IMPG1: variants seen among roughly 807,000 people sequenced by gnomAD.
IMPG1 encodes interphotoreceptor matrix proteoglycan of 150 kDa.
In IMPG1, 85 loss-of-function variants were observed where a neutral mutation model predicts 92.0. The ratio of observed to expected loss-of-function variants is 0.92; its 90% CI spans 0.78 to 1.11. The LOEUF (loss-of-function observed/expected upper bound fraction) is 1.11, where lower values mean the gene tolerates loss of function less well. IMPG1 is among the 50% of genes least tolerant of loss of function. The probability of loss-of-function intolerance (pLI) is 0.00; values close to 1 mark genes in which losing one functional copy is unlikely to be tolerated. For missense variants in IMPG1, 1,022 were observed against 956.0 expected (o/e 1.07, Z -0.91); for synonymous variants, 367 against 334.1 (o/e 1.10, Z -1.08).
At chr6:75,943,319 G>A (rs1461991876) in intron 14 of IMPG1, among the ~76,000 whole-genome samples, 1 of 152,102 alleles carries the variant, frequency 6.6e-6, no homozygotes, top group East Asian at 1.9e-4. Context: ...AGGTGTTTGT[G>A]TCGTAGGGGC....
chr6:75,947,546 A>G lies in IMPG1; in HGVS notation c.1825-13T>C. 6.3e-7 allele frequency: 1 copy of G among 1,598,164 alleles called. No homozygotes were observed. Among genetic ancestry groups the G allele is most frequent in the East Asian group, 2.2e-5 (1 of 44,696 alleles). On this transcript the variant is annotated splice_polypyrimidine_tract_variant and intron_variant, in intron 13 of 16. Coordinates refer to ENST00000369950, the MANE Select transcript of IMPG1 (RefSeq NM_001563.4). Reference sequence around the variant, plus strand: ...GATATGGAACCAGCTGCAAAATAAAAGATGGTTTCCTCTTAACTGTGTTCT... The same window carrying G: ...GATATGGAACCAGCTGCAAAATAAAGGATGGTTTCCTCTTAACTGTGTTCT...
chr6:75,961,793 C>T (rs1782215717), intron 12 of IMPG1, among the ~76,000 whole-genome samples: 1 of 152,172 alleles, frequency 6.6e-6, no homozygotes, highest in African/African-American at 2.4e-5. Flanking sequence ...AGCATGGCCA[C>T]AGTGGAATTC....
intron 5 of IMPG1, 35 bp downstream of exon 5, chr6:76,025,159 A>C (rs1409513159): frequency 1.6e-6 from 2 of 1,272,352 alleles, no homozygotes; most frequent in African/African-American, 3.0e-5. Flanking sequence ...ATTTGAATGA[A>C]AGTTGAGAAG....
At chr6:76,002,441 A>C (rs1783009564) in intron 12 of IMPG1, among the ~76,000 whole-genome samples, 1 of 152,258 alleles carries the variant, frequency 6.6e-6, no homozygotes, top group African/African-American at 2.4e-5. Flanking sequence ...ACACTAAAGA[A>C]ACACATGTAG....
intron 14 of IMPG1, chr6:75,935,131 T>C: frequency 2.3e-6 from 1 of 427,880 alleles, no homozygotes; most frequent in Non-Finnish European, 4.9e-6. Context: ...AGAGTAGACT[T>C]CGGGAATGAC....
At chr6:76,052,653 G>T (rs1426956246) in intron 1 of IMPG1, among the ~76,000 whole-genome samples, 2 of 152,076 alleles carry the variant, frequency 1.3e-5, no homozygotes, top group Non-Finnish European at 2.9e-5. Context: ...ATTTACTTTG[G>T]CAATTTTAGC....
At chr6:76,034,260 A>G (rs1783697248) in intron 4 of IMPG1, 55 bp downstream of exon 4, 3 of 1,533,240 alleles carry the variant, frequency 2.0e-6, no homozygotes, top group South Asian at 2.3e-5. Context: ...ACTCCATTAT[A>G]TGATCTTTTT....
chr6:75,969,242 A>G lies in IMPG1; in HGVS notation c.1292-18148T>C, dbSNP rs911473333. 1.1e-4 allele frequency among the ~76,000 whole-genome samples: 16 copies of G among 152,154 alleles called. No individual in the cohort carries two copies. In the East Asian group the frequency reaches 2.7e-3, roughly 26 times the overall value. ...AAGTTCAAGAGATCACGTGTATAAC[A>G]TGATGACTATAGTTAATAGCAACGT... On this transcript the variant is annotated intron_variant, in intron 12 of 16. Transcript: ENST00000369950.
Position 76,072,373 on chromosome 6 carries a change from G to T in IMPG1, c.67+49C>A, listed in dbSNP as rs370152489. On this transcript the variant is annotated intron_variant, in intron 1 of 16. Coordinates refer to ENST00000369950, the MANE Select transcript of IMPG1 (RefSeq NM_001563.4). ...TGGTTCTAAATATTCACTTCTATCG[G>T]TAGATTTTATAGATAAGCAATTTAA... 3.7e-5 allele frequency: 38 copies of T among 1,017,526 alleles called. No homozygotes were observed. The South Asian group carries it at 4.9e-4, about 13-fold the overall frequency. The allele number at this position is 1,017,526 out of a possible 1,614,324, so 63.0% of individuals were successfully genotyped here.
intron 12 of IMPG1, among the ~76,000 whole-genome samples, chr6:75,996,235 T>G (rs1028771876): frequency 1.3e-5 from 2 of 152,138 alleles, no homozygotes; most frequent in African/African-American, 2.4e-5. Flanking sequence ...AGAATGGACT[T>G]ACATGATATA....
chr6:75,997,895 T>G (rs1424154370), intron 12 of IMPG1, among the ~76,000 whole-genome samples: 2 of 152,204 alleles, frequency 1.3e-5, no homozygotes, highest in African/African-American at 4.8e-5. Flanking sequence ...TAGATGACTT[T>G]TTGCTGTGGA....
intron 13 of IMPG1, among the ~76,000 whole-genome samples, chr6:75,950,306 A>G (rs1480114965): frequency 6.6e-6 from 1 of 152,198 alleles, no homozygotes; most frequent in Non-Finnish European, 1.5e-5. Flanking sequence ...GAGAATTATA[A>G]TGAAAAGAGT....
chr6:76,072,437 C>A lies in IMPG1; in HGVS notation c.52G>T (p.Val18Phe), dbSNP rs376105349. Residue 18 changes from valine to phenylalanine, a missense_variant, in exon 1 of 17, where the codon GTT becomes TTT. Val to Phe is a conservative substitution (Grantham distance 50, BLOSUM62 -1). Coordinates refer to ENST00000369950, the MANE Select transcript of IMPG1 (RefSeq NM_001563.4). Reference protein sequence around the residue: ...AIFVFWIFLQVQGTKDISINI... With the variant: ...AIFVFWIFLQFQGTKDISINI... ...AGTAACTTACCTTTGGTTCCTTGAA[C>A]TTGGAGAAAAATCCAAAAAACAAAA... is the stretch of plus-strand genomic sequence containing the variant. The A allele has an allele frequency of 6.3e-7, 1 of 1,585,404 alleles. No homozygotes were observed. The highest frequency in any genetic ancestry group is 1.1e-5 in the South Asian group (1 of 89,060).
intron 9 of IMPG1, 41 bp from the exon 10 acceptor site, chr6:76,005,575 G>A (rs950677604): frequency 6.3e-7 from 1 of 1,596,740 alleles, no homozygotes; most frequent in Non-Finnish European, 8.5e-7. Flanking sequence ...CAAAGCCATT[G>A]TTACATGCCT....
intron 12 of IMPG1, among the ~76,000 whole-genome samples, chr6:75,969,781 G>A (rs1335798168): frequency 6.6e-6 from 1 of 151,956 alleles, no homozygotes; most frequent in African/African-American, 2.4e-5. Flanking sequence ...AAGCTTCTTG[G>A]TTACTTGGAA....
chr6:76,007,336 A>G lies in IMPG1; in HGVS notation c.887+144T>C, dbSNP rs530345701. 2.0e-5 allele frequency: 12 copies of G among 601,036 alleles called. No homozygotes were observed. The South Asian group carries it at 3.0e-4, about 15-fold the overall frequency. 37.2% of individuals were successfully genotyped at this position (601,036 alleles called of 1,614,324 possible). The stretch of plus-strand genomic sequence containing the variant: ...TTTTTAACTACTGGACAATTGTTCA[A>G]TTACTTCCATTTAAATAAGAAACCA... On this transcript the variant is annotated intron_variant, in intron 9 of 16. Transcript: ENST00000369950.
chr6:75,964,673 C>T lies in IMPG1; in HGVS notation c.1292-13579G>A, dbSNP rs986488862. Among the ~76,000 whole-genome samples, 5 of 68,456 alleles carry T rather than the reference C, an allele frequency of 7.3e-5. No homozygotes were observed. The Admixed American group carries it at 1.1e-3, about 15-fold the overall frequency. 44.9% of individuals were successfully genotyped at this position (68,456 alleles called of 152,430 possible). A position where few individuals can be genotyped will look rare whatever the true frequency, so the allele number is the denominator to read the frequency against. ...GTCTGGGTGACAGAGTGAGACTAGT[C>T]TCAAAAAAAAAAAAAAAAAAAGAGA... On this transcript the variant is annotated intron_variant, in intron 12 of 16. Transcript: ENST00000369950.
At chr6:76,072,089 C>T (rs749852972) in intron 1 of IMPG1, among the ~76,000 whole-genome samples, 6 of 151,906 alleles carry the variant, frequency 3.9e-5, no homozygotes, top group East Asian at 3.9e-4. Context: ...TGTTGAATTT[C>T]GGTGGATAAA....
intron 1 of IMPG1, among the ~76,000 whole-genome samples, chr6:76,042,892 C>A (rs1294154630): frequency 6.6e-6 from 1 of 152,144 alleles, no homozygotes; most frequent in Non-Finnish European, 1.5e-5. Context: ...ATTCATCAAA[C>A]ACTTTTTAAT....
Sources: gnomAD v4.1 joint callset for allele counts (sites outside exome capture counted in the v4.1 genomes callset) on GRCh38, gnomAD v4.1.1 for gene constraint, MANE v1.5 for transcripts, NCBI Gene and HGNC (gene_info 2026-07-23, HGNC 2026-07-21) for gene names.